Variants in TMEM200C observed in about 807,000 individuals in gnomAD.
The protein encoded by TMEM200C is transmembrane protein 200C.
For missense variants in TMEM200C, 966 were observed against 699.9 expected, an observed-to-expected ratio of 1.38 and a Z score of -4.29; for synonymous variants, 462 against 324.7, an observed-to-expected ratio of 1.42 and a Z score of -4.55.
chr18:5,883,342 GT>G (rs1444375352), exon 3 of TMEM200C: 3 of 152,010 alleles, frequency 2.0e-5, no homozygotes, highest in Non-Finnish European at 4.4e-5. Context: ...TGAAAAGCAG[GT>G]TTTTTGCCTG....
exon 3 of TMEM200C, chr18:5,890,519 C>T: frequency 2.7e-6 from 4 of 1,506,702 alleles, no homozygotes; most frequent in Non-Finnish European, 2.7e-6. Flanking sequence ...TGGTGGGGGG[C>T]GAGCCCTCCA....
At chr18:5,885,518 G>C (rs2095164709) in exon 3 of TMEM200C, 1 of 152,180 alleles carries the variant, frequency 6.6e-6, no homozygotes, top group South Asian at 2.1e-4. Context: ...TCTGGCTCTG[G>C]GATGAAGGCT....
At chr18:5,890,664 A>C in exon 3 of TMEM200C, 1 of 618,620 alleles carries the variant, frequency 1.6e-6, no homozygotes. Context: ...GCGGCGCCGC[A>C]AGGCCGCGTA....
exon 3 of TMEM200C, chr18:5,887,605 T>C (rs1471167692): frequency 2.0e-5 from 3 of 152,230 alleles, no homozygotes; most frequent in African/African-American, 7.2e-5. Flanking sequence ...TCCATCTTTC[T>C]GACCTCAGTG....
At chr18:5,890,588 A>C (rs2095169367) in exon 3 of TMEM200C, 21 of 1,210,572 alleles carry the variant, frequency 1.7e-5, no homozygotes, top group Non-Finnish European at 1.7e-5. Flanking sequence ...CCGGGTCCGC[A>C]CTCCCCGGGG....
exon 3 of TMEM200C, chr18:5,888,565 T>G (rs2095167199): frequency 6.6e-6 from 1 of 152,206 alleles, no homozygotes; most frequent in Non-Finnish European, 1.5e-5. Flanking sequence ...ATTAAGTGAT[T>G]TGTCTAAGGT....
Position 5,891,386 on chromosome 18 carries a change from C to CGCGGCG in TMEM200C, c.672_677dup (p.Ala229_Ala230dup). On this transcript the variant is annotated inframe_insertion, in exon 3 of 3. Coordinates refer to ENST00000581347, the Ensembl canonical transcript of TMEM200C. This position sits in a 1 kb window ranked among gnomAD's most constrained non-coding sequence, Gnocchi z 4.7. ...ACGACGACGAAGAGGCGGCGGCGGC[C>CGCGGCG]GCGGCGGCGGCCGCGGCGGCCGCCA... 12 of 1,323,456 alleles carry CGCGGCG rather than the reference C, an allele frequency of 9.1e-6. No individual in the cohort carries two copies. The highest frequency in any genetic ancestry group is 1.2e-5 in the Non-Finnish European group (12 of 1,041,624). The allele number at this position is 1,323,456 out of a possible 1,614,324, so 82.0% of individuals were successfully genotyped here.
exon 3 of TMEM200C, chr18:5,888,412 T>C (rs1387736353): frequency 6.6e-6 from 1 of 152,216 alleles, no homozygotes; most frequent in Admixed American, 6.5e-5. Flanking sequence ...GAGCTAATGG[T>C]AATTGACGAC....
At position 5,890,909 on chromosome 18, in the gene TMEM200C, T is replaced by G. The variant is rs1426923888; in HGVS notation, c.1155A>C (p.Gln385His). The change falls in exon 3 of 3, where the codon CAA (glutamine) becomes CAC (histidine). Residue 385 changes from glutamine to histidine, a missense_variant. Physicochemically the swap from Gln to His is conservative, Grantham distance 24 (BLOSUM62 0). Transcript: ENST00000581347. Reference sequence around the variant, plus strand: ...CGTCCCCGCCCCTATCGCGGCCCCCTTGCAAGGGCAGCAGCGCGAAGGCGC... The same window carrying G: ...CGTCCCCGCCCCTATCGCGGCCCCCGTGCAAGGGCAGCAGCGCGAAGGCGC... The G allele has an allele frequency of 4.3e-5, 29 of 681,880 alleles. 1 individual carries two copies. In the East Asian group the frequency reaches 7.5e-4, roughly 18 times the overall value. The allele number at this position is 681,880 out of a possible 1,614,324, so 42.2% of individuals were successfully genotyped here. A position where few individuals can be genotyped will look rare whatever the true frequency, so the allele number is the denominator to read the frequency against.
At chr18:5,890,851 G>A (rs1328077709) in exon 3 of TMEM200C, 1 of 679,284 alleles carries the variant, frequency 1.5e-6, no homozygotes, top group East Asian at 2.9e-5. Context: ...CGTTCCCCCG[G>A]AGGCCTCTGC....
intron 2 of TMEM200C, among the ~76,000 whole-genome samples, chr18:5,894,695 G>A (rs2095174246): frequency 6.6e-6 from 1 of 152,204 alleles, no homozygotes; most frequent in African/African-American, 2.4e-5. Flanking sequence ...CCCAACCCAG[G>A]TCCTCGACCC....
At chr18:5,895,251 A>G (rs997996837) in exon 2 of TMEM200C, 2 of 123,778 alleles carry the variant, frequency 1.6e-5, no homozygotes, top group African/African-American at 6.3e-5. Context: ...AGAGTTTCCA[A>G]GAAGTGTCAG....
chr18:5,883,410 T>C (rs889082664), exon 3 of TMEM200C: 1 of 152,144 alleles, frequency 6.6e-6, no homozygotes, highest in Admixed American at 6.5e-5. Flanking sequence ...ATCTATACTT[T>C]GCTATTCTGG....
At chr18:5,882,296 G>A (rs1408832121) in exon 3 of TMEM200C, 1 of 151,844 alleles carries the variant, frequency 6.6e-6, no homozygotes, top group Non-Finnish European at 1.5e-5. Context: ...CATACTTACA[G>A]GCTAGCCAGA....
chr18:5,885,560 C>G (rs906538156), exon 3 of TMEM200C: 8 of 152,192 alleles, frequency 5.3e-5, no homozygotes, highest in Admixed American at 5.2e-4. Flanking sequence ...TTTGTAACTC[C>G]TACTGTAGTT....
exon 3 of TMEM200C, chr18:5,889,965 A>T: frequency 2.6e-6 from 1 of 379,766 alleles, no homozygotes. Context: ...GTTTTCATTG[A>T]ACATACAATC....
In TMEM200C at chr18:5,891,270, C is replaced by A; in HGVS notation, c.794G>T (p.Gly265Val). 2.8e-6 allele frequency: 4 copies of A among 1,406,812 alleles called. No homozygotes were observed. The highest frequency in any genetic ancestry group is 3.7e-6 in the Non-Finnish European group (4 of 1,075,324). The allele number at this position is 1,406,812 out of a possible 1,614,324, so 87.1% of individuals were successfully genotyped here. ...GAAGGCGTCCCCGGAGCCACCGCAGCCCCCGGGCTTCAGCTCCAGGCCCCG... is the reference window on the plus strand; with the variant it reads ...GAAGGCGTCCCCGGAGCCACCGCAGACCCCGGGCTTCAGCTCCAGGCCCCG... The change falls in exon 3 of 3, where the codon GGC becomes GTC. Residue 265 changes from glycine to valine, a missense_variant. Gly to Val is a moderately radical substitution (Grantham distance 109). Coordinates refer to ENST00000581347, the Ensembl canonical transcript of TMEM200C. The surrounding 1 kb of genome is among the most constrained non-coding windows in gnomAD (Gnocchi z 4.7).
chr18:5,887,201 A>C (rs914204219), exon 3 of TMEM200C: 1 of 152,216 alleles, frequency 6.6e-6, no homozygotes, highest in African/African-American at 2.4e-5. Context: ...TGTTTGTCTC[A>C]GAATAAATTG....
Position 5,891,029 on chromosome 18 carries a change from TGCG to T in TMEM200C, c.1032_1034del (p.Ala347del). On this transcript the variant is annotated inframe_deletion, in exon 3 of 3. Coordinates refer to ENST00000581347, the Ensembl canonical transcript of TMEM200C. This position sits in a 1 kb window ranked among gnomAD's most constrained non-coding sequence, Gnocchi z 4.7. ...CCGGACTGCTGCAGCTGCTAGCGGC[TGCG>T]GCGGCGGTGGCAGCGGCGGCCCGGC... 1.8e-6 allele frequency: 1 copy of T among 565,222 alleles called. No individual in the cohort carries two copies. The highest frequency in any genetic ancestry group is 3.1e-6 in the Non-Finnish European group (1 of 325,880). The allele number at this position is 565,222 out of a possible 1,614,324, so 35.0% of individuals were successfully genotyped here. A position where few individuals can be genotyped will look rare whatever the true frequency, so the allele number is the denominator to read the frequency against.
Sources: gnomAD v4.1 joint callset for allele counts (sites outside exome capture counted in the v4.1 genomes callset) on GRCh38, gnomAD v4.1.1 for gene constraint, Gnocchi (gnomAD v3.1) non-coding constraint, MANE v1.5 for transcripts, NCBI Gene and HGNC (gene_info 2026-07-23, HGNC 2026-07-21) for gene names.